Variants in PKD1L1 observed in about 807,000 individuals in gnomAD.
The protein encoded by PKD1L1 is polycystin 1 like 1, transient receptor potential channel interacting.
Under a neutral mutation model 323.4 loss-of-function variants are expected in PKD1L1, and 236 were observed. That is an observed-to-expected ratio of 0.73 (90% CI 0.66 to 0.81). The LOEUF (loss-of-function observed/expected upper bound fraction) is 0.81. PKD1L1 is among the 40% of genes least tolerant of loss of function. The pLI, the probability that PKD1L1 is intolerant of heterozygous loss-of-function variation, is 0.00. For synonymous variants in PKD1L1, 1,344 were observed against 1,335.0 expected, an observed-to-expected ratio of 1.01 and a Z score of -0.15; for missense variants, 3,320 against 3,508.0, an observed-to-expected ratio of 0.95 and a Z score of 1.35.
At chr7:47,874,649 C>T (rs1457557490) in intron 23 of PKD1L1, among the ~76,000 whole-genome samples, 1 of 152,080 alleles carries the variant, frequency 6.6e-6, no homozygotes, top group Non-Finnish European at 1.5e-5. Flanking sequence ...ACTAGGTGGG[C>T]TCTGGAGGCA....
intron 25 of PKD1L1, 53 bp from the exon 26 acceptor site, chr7:47,865,325 T>C: frequency 2.7e-4 from 364 of 1,344,054 alleles, no homozygotes; most frequent in Non-Finnish European, 3.5e-4. Context: ...GAGAGGGAAA[T>C]TAGCTTGTTT....
At chr7:47,870,976 AAAAAAAAG>A (rs1786269955) in intron 24 of PKD1L1, among the ~76,000 whole-genome samples, 3 of 130,142 alleles carry the variant, frequency 2.3e-5, no homozygotes, top group Non-Finnish European at 3.4e-5. Context: ...TTGTCTCAAA[AAAAAAAAG>A]AAAAAAAAAA....
At chr7:47,881,468 T>C (rs1319350775) in intron 20 of PKD1L1, among the ~76,000 whole-genome samples, 2 of 152,180 alleles carry the variant, frequency 1.3e-5, no homozygotes, top group African/African-American at 2.4e-5. Flanking sequence ...CAATCACATG[T>C]ATTAACACGA....
chr7:47,929,889 C>T (rs971847035), intron 6 of PKD1L1, among the ~76,000 whole-genome samples: 10 of 152,196 alleles, frequency 6.6e-5, no homozygotes, highest in African/African-American at 2.4e-4. Flanking sequence ...TTAATAGACA[C>T]GAAAGATGGT....
chr7:47,879,793 C>T (rs1271669586), intron 21 of PKD1L1, among the ~76,000 whole-genome samples: 8 of 146,986 alleles, frequency 5.4e-5, no homozygotes, highest in Non-Finnish European at 1.0e-4. Context: ...ATTAGCTGGG[C>T]GTGGTGGCAG....
Position 47,853,186 on chromosome 7 carries a change from T to C in PKD1L1, c.4901A>G (p.Gln1634Arg). The C allele has an allele frequency of 3.7e-6, 6 of 1,613,760 alleles. No homozygotes were observed. Among genetic ancestry groups the C allele is most frequent in the Non-Finnish European group, 4.2e-6 (5 of 1,179,682 alleles). ...KPTPSDFLVKQIYFWDESIVQ... is the reference protein window; with the variant it reads ...KPTPSDFLVKRIYFWDESIVQ... ...AATTGACTCATCCCAGAAGTAGATCTGCTTCACAAGAAAATCAGAGGGAGT... is the reference window on the plus strand; with the variant it reads ...AATTGACTCATCCCAGAAGTAGATCCGCTTCACAAGAAAATCAGAGGGAGT... Residue 1634 changes from glutamine to arginine, a missense_variant, in exon 31 of 57, where the codon CAG becomes CGG. Physicochemically the swap from Gln to Arg is conservative, Grantham distance 43. Coordinates refer to ENST00000289672, the MANE Select transcript of PKD1L1 (RefSeq NM_138295.5).
Position 47,826,056 on chromosome 7 carries a change from G to C in PKD1L1, c.6854+1294C>G, listed in dbSNP as rs183147187. ...CTGGCCCAGCAGCTCCAGACCTCCA[G>C]ACCTTGCACTCACCTGTGAACTTGA... On this transcript the variant is annotated intron_variant, in intron 45 of 56. Transcript: ENST00000289672. Among the ~76,000 whole-genome samples the C allele has an allele frequency of 2.4e-4, 37 of 152,190 alleles. 1 individual carries two copies. Among genetic ancestry groups the C allele is most frequent in the African/African-American group, 7.0e-4 (29 of 41,520 alleles).
intron 26 of PKD1L1, among the ~76,000 whole-genome samples, chr7:47,864,641 C>T (rs71547870): frequency 2.1e-3 from 206 of 98,036 alleles, no homozygotes; most frequent in East Asian, 6.0e-3. Flanking sequence ...TCTTTCCTTC[C>T]TTCCTTCCTT....
In PKD1L1 at chr7:47,855,297, G is replaced by A. The variant is rs767370448; in HGVS notation, c.4591-32C>T. ...GAACAAAGACCATCTCAGAGCAAAT[G>A]ACAGCAAGCAATGGACTTAAGTGAG... On this transcript the variant is annotated intron_variant, in intron 28 of 56. Transcript: ENST00000289672. 10 of 1,536,944 alleles carry A rather than the reference G, an allele frequency of 6.5e-6. 1 individual carries two copies. The Admixed American group carries it at 1.7e-4, about 27-fold the overall frequency.
chr7:47,795,910 T>C, intron 55 of PKD1L1, 79 bp downstream of exon 55: 3 of 1,516,062 alleles, frequency 2.0e-6, no homozygotes, highest in Non-Finnish European at 2.7e-6. Context: ...CTTTGATAAC[T>C]GAAAGCAAAA....
intron 56 of PKD1L1, among the ~76,000 whole-genome samples, chr7:47,776,019 A>C (rs1254831851): frequency 6.6e-6 from 1 of 152,156 alleles, no homozygotes; most frequent in Non-Finnish European, 1.5e-5. Context: ...TTTACAGATA[A>C]AGGATAAAAT....
At position 47,836,968 on chromosome 7, in the gene PKD1L1, C is replaced by T. The variant is rs142789997; in HGVS notation, c.5896G>A (p.Val1966Ile). ...RLTVSFSLLCVYACLTALVAA... is the reference protein window; with the variant it reads ...RLTVSFSLLCIYACLTALVAA... Reference sequence around the variant, plus strand: ...ACCAGGGCAGTGAGACACGCGTAGACGCACAGCAGGGAGAAGGACACGGTG... The same window carrying T: ...ACCAGGGCAGTGAGACACGCGTAGATGCACAGCAGGGAGAAGGACACGGTG... The change falls in exon 37 of 57, where the codon GTC becomes ATC. Residue 1966 changes from valine (V) to isoleucine (I), a missense_variant. By Grantham distance (29) the Val-to-Ile change is conservative (BLOSUM62 3). Coordinates refer to ENST00000289672, the MANE Select transcript of PKD1L1 (RefSeq NM_138295.5). The T allele has an allele frequency of 1.7e-5, 28 of 1,614,194 alleles. 1 individual carries two copies. The highest frequency in any genetic ancestry group is 1.6e-4 in the South Asian group (15 of 91,072).
chr7:47,881,590 C>A (rs931459087), intron 20 of PKD1L1, among the ~76,000 whole-genome samples: 1 of 152,160 alleles, frequency 6.6e-6, no homozygotes, highest in African/African-American at 2.4e-5. Context: ...TCATGTAAAT[C>A]CCTGACCACC....
intron 4 of PKD1L1, 117 bp from the exon 5 acceptor site, chr7:47,932,173 C>CTGTGAT: frequency 1.4e-6 from 2 of 1,445,340 alleles, no homozygotes; most frequent in East Asian, 4.6e-5. Flanking sequence ...AATTCCCTTG[C>CTGTGAT]TGTGATTGCA....
At chr7:47,844,275 T>C (rs1785619979) in intron 33 of PKD1L1, among the ~76,000 whole-genome samples, 1 of 152,218 alleles carries the variant, frequency 6.6e-6, no homozygotes, top group South Asian at 2.1e-4. Context: ...CCAACTAGTC[T>C]ATAAAGTAAT....
rs1262019569 is a variant in PKD1L1 at position 47,865,230 on chromosome 7, T to A, written c.4135A>T (p.Ser1379Cys). 6.2e-7 allele frequency: 1 copy of A among 1,613,146 alleles called. No homozygotes were observed. Among genetic ancestry groups the A allele is most frequent in the East Asian group, 2.2e-5 (1 of 44,866 alleles). The change falls in exon 26 of 57, where the codon AGC (serine) becomes TGC (cysteine). Residue 1379 changes from serine (S) to cysteine (C), a missense_variant. Transcript: ENST00000289672. ...ATTGCACTTACCTTATTAGAGAAGC[T>A]CACGAGGTCCCTCAACATAAGAACA... ...GSVLMLRDLVSFSNKLGFMSA... is the reference protein window; with the variant it reads ...GSVLMLRDLVCFSNKLGFMSA...
intron 55 of PKD1L1, 50 bp from the exon 56 acceptor site, chr7:47,792,847 C>A (rs984809274): frequency 2.0e-6 from 3 of 1,513,482 alleles, no homozygotes; most frequent in African/African-American, 1.4e-5. Flanking sequence ...ATCTCATTAT[C>A]CCCCTTTCCT....
intron 7 of PKD1L1, among the ~76,000 whole-genome samples, chr7:47,918,772 G>C (rs1787479595): frequency 1.3e-5 from 2 of 152,100 alleles, no homozygotes; most frequent in East Asian, 3.9e-4. Flanking sequence ...AGTGATCACT[G>C]GGTCAAAAAT....
At chr7:47,896,076 C>T (rs1279949451) in intron 14 of PKD1L1, among the ~76,000 whole-genome samples, 1 of 152,092 alleles carries the variant, frequency 6.6e-6, no homozygotes, top group East Asian at 1.9e-4. Flanking sequence ...ATGGCTCACG[C>T]CTATAATCCC....
Sources: gnomAD v4.1 joint callset for allele counts (sites outside exome capture counted in the v4.1 genomes callset) on GRCh38, gnomAD v4.1.1 for gene constraint, MANE v1.5 for transcripts, NCBI Gene and HGNC (gene_info 2026-07-23, HGNC 2026-07-21) for gene names.